ABCA13: variants seen among roughly 807,000 people sequenced by gnomAD.
ABCA13 encodes ATP binding cassette subfamily A member 13.
ABCA13 carries 476 observed loss-of-function variants against 478.7 expected under a neutral mutation model. The ratio of observed to expected loss-of-function variants is 0.99; its 90% confidence interval spans 0.92 to 1.07. ABCA13 has a LOEUF of 1.07. ABCA13 is among the 50% of genes least tolerant of loss of function. The pLI is 0.00. For missense variants in ABCA13, 6,060 were observed against 5,910.6 expected, an observed-to-expected ratio of 1.03 and a Z score of -0.83; for synonymous variants, 2,252 against 2,158.9, an observed-to-expected ratio of 1.04 and a Z score of -1.20.
At chr7:48,486,276 T>G (rs1829289456) in intron 47 of ABCA13, among the ~76,000 whole-genome samples, 2 of 152,176 alleles carry the variant, frequency 1.3e-5, no homozygotes, top group African/African-American at 4.8e-5. Flanking sequence ...AACAAAGTTC[T>G]TACAATTGCA....
intron 3 of ABCA13, among the ~76,000 whole-genome samples, chr7:48,213,400 T>C (rs924757003): frequency 2.0e-5 from 3 of 152,228 alleles, no homozygotes; most frequent in Non-Finnish European, 4.4e-5. Context: ...AATAGCATTG[T>C]CTAAAAAATG....
chr7:48,230,601 A>T (rs1788907368), intron 7 of ABCA13, among the ~76,000 whole-genome samples: 1 of 152,168 alleles, frequency 6.6e-6, no homozygotes, highest in Non-Finnish European at 1.5e-5. Context: ...CTGTCCATCC[A>T]TCCACCCACA....
rs768554553 is a variant in ABCA13 at position 48,273,690 on chromosome 7, G to C, written c.4024G>C (p.Asp1342His). Residue 1342 changes from aspartate (D) to histidine (H), a missense_variant, in exon 17 of 62, where the codon GAT becomes CAT. Coordinates refer to ENST00000435803, the MANE Select transcript of ABCA13 (RefSeq NM_152701.5). ...VFLRNVSHDRDLFSCADIFQN... is the reference protein window; with the variant it reads ...VFLRNVSHDRHLFSCADIFQN... The stretch of plus-strand genomic sequence containing the variant: ...TCTTAGAAATGTATCACATGATCGA[G>C]ATTTGTTTTCCTGTGCTGATATTTT... 12 of 1,608,100 alleles carry C rather than the reference G, an allele frequency of 7.5e-6. No homozygotes were observed. In the South Asian group the frequency reaches 1.2e-4, roughly 16 times the overall value.
chr7:48,556,585 G>A (rs1785852519), intron 55 of ABCA13, among the ~76,000 whole-genome samples: 1 of 151,816 alleles, frequency 6.6e-6, no homozygotes, highest in African/African-American at 2.4e-5. Flanking sequence ...TATGGATTTT[G>A]TCTTGAAATC....
At chr7:48,240,063 C>T (rs1198707206) in intron 9 of ABCA13, among the ~76,000 whole-genome samples, 1 of 152,200 alleles carries the variant, frequency 6.6e-6, no homozygotes, top group Non-Finnish European at 1.5e-5. Flanking sequence ...TCAGGCTTTG[C>T]CGTCTCTGTC....
At position 48,259,197 on chromosome 7, in the gene ABCA13, G is replaced by A. The variant is rs139857069; in HGVS notation, c.2006-9783G>A. Reference sequence around the variant, plus strand: ...CTGTCTTGATCTAATATTGTCAGTGGGGTGTTGAATTCTCCTTCTATTATT... The same window carrying A: ...CTGTCTTGATCTAATATTGTCAGTGAGGTGTTGAATTCTCCTTCTATTATT... On this transcript the variant is annotated intron_variant, in intron 15 of 61. Transcript: ENST00000435803. Among the ~76,000 whole-genome samples, 25 of 152,052 alleles carry A rather than the reference G, an allele frequency of 1.6e-4. No homozygotes were observed. In the East Asian group the frequency reaches 4.8e-3, roughly 29 times the overall value.
At chr7:48,502,350 A>G (rs1462096923) in intron 48 of ABCA13, among the ~76,000 whole-genome samples, 1 of 152,238 alleles carries the variant, frequency 6.6e-6, no homozygotes, top group African/African-American at 2.4e-5. Flanking sequence ...CAGAAAGCAA[A>G]TATGAGAACA....
intron 41 of ABCA13, among the ~76,000 whole-genome samples, chr7:48,421,201 C>T (rs67820405): frequency 0.015 from 814 of 53,272 alleles, 10 homozygotes; most frequent in African/African-American, 0.069. Context: ...TTTTCTCTCT[C>T]TTTTTTTTTT....
At chr7:48,222,726 A>G (rs985025086) in intron 5 of ABCA13, among the ~76,000 whole-genome samples, 1 of 152,194 alleles carries the variant, frequency 6.6e-6, no homozygotes, top group African/African-American at 2.4e-5. Context: ...ACAATGAAAG[A>G]GTTCTATGTT....
intron 3 of ABCA13, among the ~76,000 whole-genome samples, chr7:48,218,658 C>T (rs1248138006): frequency 2.0e-5 from 3 of 152,204 alleles, no homozygotes; most frequent in Non-Finnish European, 4.4e-5. Context: ...TTGCTGCAAA[C>T]ATTCTGCTTG....
chr7:48,427,238 C>T (rs1821551537), intron 41 of ABCA13, among the ~76,000 whole-genome samples: 1 of 152,156 alleles, frequency 6.6e-6, no homozygotes, highest in Admixed American at 6.5e-5. Flanking sequence ...ACTTCTGCCT[C>T]CACTACTAAC....
intron 31 of ABCA13, among the ~76,000 whole-genome samples, chr7:48,356,736 C>T (rs1809987085): frequency 6.6e-6 from 1 of 151,894 alleles, no homozygotes; most frequent in Non-Finnish European, 1.5e-5. Context: ...TAGGCAGCAG[C>T]AGTTTTTGAA....
intron 23 of ABCA13, among the ~76,000 whole-genome samples, chr7:48,301,998 T>A (rs1334492289): frequency 6.6e-6 from 1 of 152,090 alleles, no homozygotes; most frequent in Non-Finnish European, 1.5e-5. Flanking sequence ...GAGAAATGAG[T>A]ATTGTGCTAA....
intron 56 of ABCA13, among the ~76,000 whole-genome samples, chr7:48,580,903 T>G (rs1479272393): frequency 1.3e-5 from 2 of 151,972 alleles, no homozygotes; most frequent in Admixed American, 6.6e-5. Context: ...TGGCAGAAAC[T>G]GAGACCCCCA....
chr7:48,627,574 A>G (rs1793781105), intron 59 of ABCA13, among the ~76,000 whole-genome samples: 1 of 152,188 alleles, frequency 6.6e-6, no homozygotes, highest in Non-Finnish European at 1.5e-5. Flanking sequence ...TCTTCAGTGG[A>G]GATAATAATA....
rs267601527 is a variant in ABCA13 at position 48,272,372 on chromosome 7, C to T, written c.2706C>T (p.Leu902=). Residue 902 remains leucine, a synonymous_variant, in exon 17 of 62, where the codon CTC becomes CTT. Transcript: ENST00000435803. The stretch of plus-strand genomic sequence containing the variant: ...TAAGTGAGGCTATAATAACTAGTCT[C>T]CATGAATTTGGATTTTTGGAGCAGG... The part of the protein sequence containing the change: ...VRLSEAIITS[L]HEFGFLEQEQ... 2 of 1,613,760 alleles carry T rather than the reference C, an allele frequency of 1.2e-6. No individual in the cohort carries two copies. Among genetic ancestry groups the T allele is most frequent in the South Asian group, 1.1e-5 (1 of 91,070 alleles).
chr7:48,276,058 A>G lies in ABCA13; in HGVS notation c.6392A>G (p.Gln2131Arg). The change falls in exon 17 of 62, where the codon CAG becomes CGG. Residue 2131 changes from glutamine (Q) to arginine (R), a missense_variant. Gln to Arg is a conservative substitution (Grantham distance 43). Transcript: ENST00000435803. ...CTATTGGTCACAAAAAACTGGCTTC[A>G]GGAATATGCAAATGAGGATTACTCC... ...DFLLVTKNWLQEYANEDYSRM... is the reference protein window; with the variant it reads ...DFLLVTKNWLREYANEDYSRM... 6.2e-7 allele frequency: 1 copy of G among 1,606,780 alleles called. No individual in the cohort carries two copies. Among genetic ancestry groups the G allele is most frequent in the Non-Finnish European group, 8.5e-7 (1 of 1,176,128 alleles).
chr7:48,617,651 A>C (rs574900587), intron 59 of ABCA13, among the ~76,000 whole-genome samples: 12 of 152,262 alleles, frequency 7.9e-5, no homozygotes, highest in South Asian at 6.2e-4. Flanking sequence ...ATGAGAGCCT[A>C]GTGGAGTGAA....
chr7:48,531,756 G>C (rs59872216), intron 55 of ABCA13, among the ~76,000 whole-genome samples: 1 of 127,668 alleles, frequency 7.8e-6, no homozygotes. Context: ...TTTTTTTTGC[G>C]GCTGTTGTAA....
Sources: allele counts gnomAD v4.1 joint callset (sites outside exome capture counted in the v4.1 genomes callset), GRCh38; gene constraint gnomAD v4.1.1; transcripts MANE v1.5; gene names NCBI Gene and HGNC (gene_info 2026-07-23, HGNC 2026-07-21).